Variants in HIPK2 observed in about 807,000 individuals in gnomAD.
The protein encoded by HIPK2 is homeodomain-interacting protein kinase 2.
A neutral mutation model predicts 113.7 loss-of-function variants in HIPK2; 27 were observed. That is an observed-to-expected ratio of 0.24 (90% CI 0.17 to 0.33). HIPK2 has a LOEUF of 0.33. HIPK2 is among the 10% of genes least tolerant of loss of function. HIPK2 has a pLI of 1.00. For synonymous variants in HIPK2, 631 were observed against 642.2 expected (o/e 0.98, Z 0.26); for missense variants, 1,257 against 1,588.0 (o/e 0.79, Z 3.54).
Position 139,599,382 on chromosome 7 carries a change from C to T in HIPK2, c.2435+1035G>A, listed in dbSNP as rs78072253. Among the ~76,000 whole-genome samples the T allele has an allele frequency of 4.5e-3, 693 of 152,348 alleles. 6 individuals carry two copies. The highest frequency in any genetic ancestry group is 0.016 in the African/African-American group (648 of 41,578). On this transcript the variant is annotated intron_variant, in intron 11 of 14. Coordinates refer to ENST00000406875, the MANE Select transcript of HIPK2 (RefSeq NM_022740.5). ...TAGAGCTTTTCCCCTCAGGATTCTTCGCAGTCAATCTCCTCCTCTCCTACT... is the reference window on the plus strand; with the variant it reads ...TAGAGCTTTTCCCCTCAGGATTCTTTGCAGTCAATCTCCTCCTCTCCTACT...
At chr7:139,612,669 C>A (rs1181800815) in intron 9 of HIPK2, among the ~76,000 whole-genome samples, 2 of 152,156 alleles carry the variant, frequency 1.3e-5, no homozygotes, top group African/African-American at 4.8e-5. Context: ...GTTTACATAA[C>A]ACTTTACAAA....
At chr7:139,774,882 C>T (rs138101507) in intron 1 of HIPK2, among the ~76,000 whole-genome samples, 117 of 152,308 alleles carry the variant, frequency 7.7e-4, no homozygotes, top group African/African-American at 2.6e-3. Context: ...CCACCAAAAA[C>T]TAACATGCTA....
chr7:139,771,384 A>C (rs1213601858), intron 1 of HIPK2, among the ~76,000 whole-genome samples: 4 of 151,910 alleles, frequency 2.6e-5, no homozygotes, highest in African/African-American at 7.3e-5. Context: ...CAAAGTGATC[A>C]GTGGAGTCAA....
At chr7:139,663,793 C>T (rs1001166521) in intron 2 of HIPK2, among the ~76,000 whole-genome samples, 1 of 152,210 alleles carries the variant, frequency 6.6e-6, no homozygotes, top group African/African-American at 2.4e-5. Flanking sequence ...ACCTTTGAAG[C>T]TGGAGACAGA....
In HIPK2 at chr7:139,569,063, G is replaced by A. The variant is rs149476304; in HGVS notation, c.*3864C>T. 1,090 of 152,910 alleles carry A rather than the reference G, an allele frequency of 7.1e-3. 14 individuals carry two copies. Among genetic ancestry groups the A allele is most frequent in the African/African-American group, 0.024 (992 of 41,582 alleles). 9.5% of individuals were successfully genotyped at this position (152,910 alleles called of 1,614,324 possible). A position where few individuals can be genotyped will look rare whatever the true frequency, so the allele number is the denominator to read the frequency against. On this transcript the variant is annotated 3_prime_UTR_variant, in exon 15 of 15. Transcript: ENST00000406875. Reference sequence around the variant, plus strand: ...ACTGAAGATGTGGCCGGAGCCCAGTGGGGATGCTTTCAGAGGGGGTGCAGC... The same window carrying A: ...ACTGAAGATGTGGCCGGAGCCCAGTAGGGATGCTTTCAGAGGGGGTGCAGC...
chr7:139,625,699 G>A (rs1800401851), intron 6 of HIPK2, among the ~76,000 whole-genome samples: 1 of 152,170 alleles, frequency 6.6e-6, no homozygotes, highest in East Asian at 1.9e-4. Flanking sequence ...TCCCCTGTGG[G>A]TATGCTCTCA....
chr7:139,765,488 T>TTC (rs1796538141), intron 1 of HIPK2, among the ~76,000 whole-genome samples: 1 of 152,228 alleles, frequency 6.6e-6, no homozygotes, highest in Non-Finnish European at 1.5e-5. Context: ...CGTTTGTCTT[T>TTC]ATCTGCTAAA....
chr7:139,599,532 G>T (rs942870252), intron 11 of HIPK2, among the ~76,000 whole-genome samples: 3 of 152,160 alleles, frequency 2.0e-5, no homozygotes, highest in Admixed American at 1.3e-4. Flanking sequence ...TGTTCATTGA[G>T]ATGAGAATGG....
intron 1 of HIPK2, among the ~76,000 whole-genome samples, chr7:139,738,557 TA>T (rs1331403136): frequency 6.6e-6 from 1 of 152,300 alleles, no homozygotes; most frequent in African/African-American, 2.4e-5. Flanking sequence ...CCTCGAGTCA[TA>T]TAACGATCAT....
At chr7:139,575,342 A>C (rs1443615558) in intron 13 of HIPK2, 54 bp from the exon 14 acceptor site, 3 of 1,511,534 alleles carry the variant, frequency 2.0e-6, no homozygotes, top group East Asian at 4.9e-5. Context: ...AGCTGCCCAG[A>C]AGATGCTACC....
chr7:139,700,697 T>C (rs1483164476), intron 2 of HIPK2, among the ~76,000 whole-genome samples: 4 of 152,206 alleles, frequency 2.6e-5, no homozygotes, highest in South Asian at 2.1e-4. Context: ...TCTTGGTCCA[T>C]GTGGGACTGA....
chr7:139,671,964 C>A (rs1802317206), intron 2 of HIPK2, among the ~76,000 whole-genome samples: 1 of 152,148 alleles, frequency 6.6e-6, no homozygotes, highest in Admixed American at 6.5e-5. Flanking sequence ...TAATTCCTCC[C>A]ATTTGTTTGC....
intron 12 of HIPK2, among the ~76,000 whole-genome samples, chr7:139,589,193 C>T (rs1204586726): frequency 6.6e-6 from 1 of 152,066 alleles, no homozygotes; most frequent in African/African-American, 2.4e-5. Context: ...CTCTGAAATT[C>T]ATTGAGAGAG....
At chr7:139,635,468 C>T (rs1800778781) in intron 2 of HIPK2, among the ~76,000 whole-genome samples, 1 of 152,146 alleles carries the variant, frequency 6.6e-6, no homozygotes, top group African/African-American at 2.4e-5. Context: ...ACTAAAATGG[C>T]CACACAAAGG....
intron 2 of HIPK2, among the ~76,000 whole-genome samples, chr7:139,661,529 T>G (rs970224907): frequency 2.0e-5 from 3 of 152,176 alleles, no homozygotes; most frequent in African/African-American, 7.2e-5. Flanking sequence ...ATCCTTCTAC[T>G]ACCCTTCACA....
At chr7:139,600,691 T>G in intron 10 of HIPK2, 95 bp from the exon 11 acceptor site, 1 of 1,382,616 alleles carries the variant, frequency 7.2e-7, no homozygotes, top group Non-Finnish European at 9.9e-7. Context: ...AAACGCTGAC[T>G]GCAGTTGGTT....
At chr7:139,675,165 C>A (rs566794529) in intron 2 of HIPK2, among the ~76,000 whole-genome samples, 1 of 152,104 alleles carries the variant, frequency 6.6e-6, no homozygotes, top group South Asian at 2.1e-4. Context: ...CTGACTAATT[C>A]ACAGAATGAG....
chr7:139,757,086 A>T (rs1365013873), intron 1 of HIPK2, among the ~76,000 whole-genome samples: 1 of 152,212 alleles, frequency 6.6e-6, no homozygotes, highest in Non-Finnish European at 1.5e-5. Context: ...AACAATTAGA[A>T]TCTAGAGCTA....
chr7:139,691,215 C>T (rs1165751872), intron 2 of HIPK2, among the ~76,000 whole-genome samples: 1 of 152,196 alleles, frequency 6.6e-6, no homozygotes, highest in Non-Finnish European at 1.5e-5. Flanking sequence ...AGCTGCAGAG[C>T]TGGTTTATAT....
Sources: gnomAD v4.1 joint callset for allele counts (sites outside exome capture counted in the v4.1 genomes callset) on GRCh38, gnomAD v4.1.1 for gene constraint, MANE v1.5 for transcripts, NCBI Gene and HGNC (gene_info 2026-07-23, HGNC 2026-07-21) for gene names.